ABCA9: variants seen among roughly 807,000 people sequenced by gnomAD.
ABCA9 encodes the protein ATP-binding cassette sub-family A member 9.
In ABCA9, 183 loss-of-function variants were observed where a neutral mutation model predicts 205.3. The ratio of observed to expected loss-of-function variants is 0.89; its 90% confidence interval spans 0.79 to 1.01. The LOEUF is 1.01. ABCA9 is among the 50% of genes least tolerant of loss of function. The probability of loss-of-function intolerance (pLI) is 0.00; values close to 1 mark genes in which losing one functional copy is unlikely to be tolerated. For missense variants in ABCA9, 1,805 were observed against 1,912.4 expected, an observed-to-expected ratio of 0.94 and a Z score of 1.05; for synonymous variants, 651 against 683.3, an observed-to-expected ratio of 0.95 and a Z score of 0.74.
chr17:69,045,144 A>C, intron 4 of ABCA9, 28 bp downstream of exon 4: 2 of 1,606,088 alleles, frequency 1.2e-6, no homozygotes, highest in Non-Finnish European at 1.7e-6. Flanking sequence ...CAATAGCAAA[A>C]AAAATTTTTT....
intron 3 of ABCA9, among the ~76,000 whole-genome samples, chr17:69,047,544 G>A (rs2071757744): frequency 6.6e-6 from 1 of 151,988 alleles, no homozygotes; most frequent in African/African-American, 2.4e-5. Context: ...AGGGGCCCCA[G>A]AGAAATGGAT....
rs1421659101 is a variant in ABCA9 at position 69,044,507 on chromosome 17, G to A, written c.563C>T (p.Ala188Val). The A allele has an allele frequency of 4.3e-6, 7 of 1,612,594 alleles. No homozygotes were observed. Among genetic ancestry groups the A allele is most frequent in the Middle Eastern group, 1.6e-4 (1 of 6,066 alleles). Reference sequence around the variant, plus strand: ...TAACTTTATACTCACTTCTATGATAGCAGCATTAATGGCAGCTTGAAAAGC... The same window carrying A: ...TAACTTTATACTCACTTCTATGATAACAGCATTAATGGCAGCTTGAAAAGC... ...FVAFQAAINA[A>V]IIEIATNHSV... The change falls in exon 5 of 39, where the codon GCT becomes GTT. Residue 188 changes from alanine (A) to valine (V), a missense_variant. Coordinates refer to ENST00000340001, the MANE Select transcript of ABCA9 (RefSeq NM_080283.4).
chr17:68,978,054 G>A (rs1015413998), intron 37 of ABCA9, among the ~76,000 whole-genome samples: 1 of 152,146 alleles, frequency 6.6e-6, no homozygotes, highest in South Asian at 2.1e-4. Flanking sequence ...TCTGTCTAAT[G>A]TTGACAGTGG....
chr17:69,063,885 A>T (rs2072314504), upstream of ABCA9, among the ~76,000 whole-genome samples: 1 of 152,126 alleles, frequency 6.6e-6, no homozygotes, highest in Non-Finnish European at 1.5e-5. Flanking sequence ...TTTGTTTCTT[A>T]AAAATGTAAT....
the ABCA9 span, among the ~76,000 whole-genome samples, chr17:69,078,442 C>T: frequency 6.6e-6 from 1 of 152,198 alleles, no homozygotes; most frequent in South Asian, 2.1e-4. Context: ...TGTGATCCAC[C>T]TGCCTCGGCC....
the ABCA9 span, among the ~76,000 whole-genome samples, chr17:69,072,551 G>A: frequency 6.6e-6 from 1 of 152,036 alleles, no homozygotes; most frequent in African/African-American, 2.4e-5. Flanking sequence ...AATGCTGAGG[G>A]ATTTTGTCAC....
chr17:69,046,846 T>C (rs915177844), intron 3 of ABCA9, among the ~76,000 whole-genome samples: 1 of 146,404 alleles, frequency 6.8e-6, no homozygotes, highest in African/African-American at 2.5e-5. Flanking sequence ...ACATACACTT[T>C]ATACACATTG....
the ABCA9 span, among the ~76,000 whole-genome samples, chr17:69,069,924 A>G: frequency 6.6e-6 from 1 of 152,092 alleles, no homozygotes; most frequent in Non-Finnish European, 1.5e-5. Flanking sequence ...AAGAAAACTT[A>G]TAGTTTATCA....
At chr17:69,008,023 A>G (rs2070213850) in intron 24 of ABCA9, 39 bp downstream of exon 24, 5 of 1,544,422 alleles carry the variant, frequency 3.2e-6, no homozygotes, top group Non-Finnish European at 4.4e-6. Flanking sequence ...TCATGAAAAA[A>G]TAGTCTAATA....
the ABCA9 span, among the ~76,000 whole-genome samples, chr17:69,068,815 T>C: frequency 6.6e-6 from 1 of 152,174 alleles, no homozygotes; most frequent in Non-Finnish European, 1.5e-5. Flanking sequence ...TGCAAACTAA[T>C]GATGATAATG....
chr17:69,036,306 A>G (rs574349131), intron 6 of ABCA9, among the ~76,000 whole-genome samples: 163 of 152,338 alleles, frequency 1.1e-3, no homozygotes, highest in Admixed American at 2.0e-3. Context: ...CTGTGTTTCA[A>G]TAAAATGTAT....
Position 69,017,671 on chromosome 17 carries a change from C to T in ABCA9, c.2886G>A (p.Val962=). ...DDPSYNGAII[V]SGDEKDHRFS... ...TCCAGCATACCTTTTCATCACCTGA[C>T]ACAATGATAGCACCATTGTAAGATG... The change falls in exon 21 of 39, where the codon GTG becomes GTA. Residue 962 remains valine, a synonymous_variant. Coordinates refer to ENST00000340001, the MANE Select transcript of ABCA9 (RefSeq NM_080283.4). 1 of 1,613,110 alleles carries T rather than the reference C, an allele frequency of 6.2e-7. No homozygotes were observed. Among genetic ancestry groups the T allele is most frequent in the Non-Finnish European group, 8.5e-7 (1 of 1,179,326 alleles).
intron 25 of ABCA9, among the ~76,000 whole-genome samples, chr17:69,006,017 C>G (rs2070113270): frequency 6.6e-6 from 1 of 152,158 alleles, no homozygotes; most frequent in Non-Finnish European, 1.5e-5. Context: ...AGTCATTGCC[C>G]ATGACTTAGA....
chr17:69,007,349 T>C (rs1210156052), intron 25 of ABCA9, among the ~76,000 whole-genome samples: 1 of 151,958 alleles, frequency 6.6e-6, no homozygotes, highest in African/African-American at 2.4e-5. Flanking sequence ...TGCAGTGAGC[T>C]GAGATCATTC....
intron 34 of ABCA9, 129 bp downstream of exon 34, chr17:68,984,756 A>AT (rs1014748164): frequency 4.5e-5 from 55 of 1,228,476 alleles, no homozygotes; most frequent in Non-Finnish European, 5.7e-5. Context: ...AAATCAGATA[A>AT]TTTTTTTTCC....
At position 69,032,172 on chromosome 17, in the gene ABCA9, C is replaced by A. The variant is rs1172522231; in HGVS notation, c.1381G>T (p.Asp461Tyr). The change falls in exon 10 of 39, where the codon GAT (aspartate) becomes TAT (tyrosine). Residue 461 changes from aspartate to tyrosine, a missense_variant. Transcript: ENST00000340001. ...TCAAAACAGTCATTAGGTGTAGGAT[C>A]AGAATCTGTTTCATTCTCAAGGACC... Reference protein sequence around the residue: ...HVVLENETDSDPTPNDCFEPV... With the variant: ...HVVLENETDSYPTPNDCFEPV... 6.2e-7 allele frequency: 1 copy of A among 1,613,964 alleles called. No homozygotes were observed.
At chr17:68,982,520 T>A in intron 37 of ABCA9, 42 bp downstream of exon 37, 1 of 1,465,148 alleles carries the variant, frequency 6.8e-7, no homozygotes, top group South Asian at 1.1e-5. Flanking sequence ...GATTTAGGCT[T>A]ATCTGTTTCC....
intron 25 of ABCA9, among the ~76,000 whole-genome samples, chr17:69,003,490 G>C (rs2069973093): frequency 7.5e-6 from 1 of 133,974 alleles, no homozygotes; most frequent in East Asian, 2.0e-4. Context: ...GAGATCCACT[G>C]TTAGTCTGAT....
At chr17:68,982,364 C>A (rs1025312287) in intron 37 of ABCA9, among the ~76,000 whole-genome samples, 198 bp downstream of exon 37, 1 of 152,152 alleles carries the variant, frequency 6.6e-6, no homozygotes, top group Non-Finnish European at 1.5e-5. Flanking sequence ...CCTCTCTGTC[C>A]GCACTTGTAA....
Sources: gnomAD v4.1 joint callset for allele counts (sites outside exome capture counted in the v4.1 genomes callset) on GRCh38, gnomAD v4.1.1 for gene constraint, MANE v1.5 for transcripts, NCBI Gene and HGNC (gene_info 2026-07-23, HGNC 2026-07-21) for gene names.